Variants in SRPK2 observed in about 807,000 individuals in gnomAD.
The protein encoded by SRPK2 is SFRS protein kinase 2.
In SRPK2, 21 loss-of-function variants were observed where a neutral mutation model predicts 90.8. The observed-to-expected ratio is 0.23, with a 90% CI of 0.16 to 0.33. The LOEUF (loss-of-function observed/expected upper bound fraction) is 0.33. Ranked by LOEUF, SRPK2 falls within the 10% of genes least tolerant of loss-of-function variation. SRPK2 has a pLI of 1.00. For missense variants in SRPK2, 620 were observed against 869.0 expected, an observed-to-expected ratio of 0.71 and a Z score of 3.60; for synonymous variants, 288 against 311.1, an observed-to-expected ratio of 0.93 and a Z score of 0.78.
At chr7:105,263,025 G>A (rs1346229425) in intron 2 of SRPK2, among the ~76,000 whole-genome samples, 1 of 152,118 alleles carries the variant, frequency 6.6e-6, no homozygotes, top group Non-Finnish European at 1.5e-5. Flanking sequence ...CAAAAGACAT[G>A]TATGGAAATG....
At chr7:105,262,443 G>A (rs909123213) in intron 2 of SRPK2, among the ~76,000 whole-genome samples, 4 of 152,054 alleles carry the variant, frequency 2.6e-5, no homozygotes, top group Admixed American at 6.5e-5. Flanking sequence ...GCTCCAAGGC[G>A]GACGGCTAAG....
Position 105,363,555 on chromosome 7 carries a change from T to C in SRPK2, c.71+25093A>G, listed in dbSNP as rs189110259. 1.5e-4 allele frequency among the ~76,000 whole-genome samples: 23 copies of C among 152,188 alleles called. No individual in the cohort carries two copies. The East Asian group carries it at 4.1e-3, about 27-fold the overall frequency. ...ACGTGCTGGAGAGGATGTGGAGAAA[T>C]AGGAACACTTTTACACGGTTGGTGG... On this transcript the variant is annotated intron_variant, in intron 2 of 15. Transcript: ENST00000393651.
intron 2 of SRPK2, among the ~76,000 whole-genome samples, chr7:105,227,876 AAC>A (rs557303200): frequency 8.1e-4 from 121 of 149,248 alleles, no homozygotes; most frequent in African/African-American, 2.8e-3. Flanking sequence ...GTATCCACAA[AAC>A]AGAGTATCAT....
intron 2 of SRPK2, among the ~76,000 whole-genome samples, chr7:105,251,237 G>A (rs1375452497): frequency 6.6e-6 from 1 of 152,160 alleles, no homozygotes; most frequent in African/African-American, 2.4e-5. Flanking sequence ...TGAGGCAAAG[G>A]TCACATGTAA....
chr7:105,376,882 TACACACACACACAC>T (rs34080086), intron 2 of SRPK2, among the ~76,000 whole-genome samples: 1 of 121,000 alleles, frequency 8.3e-6, no homozygotes, highest in African/African-American at 3.2e-5. Flanking sequence ...TTTTCTCCTT[TACACACACACACAC>T]ACACACACAC....
chr7:105,301,709 T>C (rs1810575350), intron 2 of SRPK2: 5 of 1,611,172 alleles, frequency 3.1e-6, no homozygotes, highest in Non-Finnish European at 4.2e-6. Flanking sequence ...ATTCTATCTA[T>C]GAACGCTTTT....
intron 2 of SRPK2, among the ~76,000 whole-genome samples, chr7:105,237,694 C>T (rs1800303966): frequency 6.6e-6 from 1 of 152,176 alleles, no homozygotes; most frequent in Admixed American, 6.5e-5. Context: ...GCAGAGTTAT[C>T]ACAAAGACCG....
chr7:105,365,522 A>ATG (rs969342157), intron 2 of SRPK2, among the ~76,000 whole-genome samples: 1 of 146,514 alleles, frequency 6.8e-6, no homozygotes, highest in Non-Finnish European at 1.5e-5. Flanking sequence ...ATATATATAT[A>ATG]TATATTTAGG....
At chr7:105,327,716 A>G (rs1005990551) in intron 2 of SRPK2, among the ~76,000 whole-genome samples, 4 of 152,262 alleles carry the variant, frequency 2.6e-5, no homozygotes, top group Non-Finnish European at 4.4e-5. Context: ...GGTGCCCAAT[A>G]TTAGCTGAAT....
intron 2 of SRPK2, among the ~76,000 whole-genome samples, chr7:105,379,956 G>GA (rs1209600228): frequency 6.6e-6 from 1 of 151,922 alleles, no homozygotes; most frequent in Non-Finnish European, 1.5e-5. Flanking sequence ...CCAGCCTAGC[G>GA]AAAGAGCAAG....
chr7:105,170,968 AG>A (rs1307091047), intron 3 of SRPK2, among the ~76,000 whole-genome samples: 548 of 3,460 alleles, frequency 0.16, 52 homozygotes, highest in African/African-American at 0.25. Context: ...AGAAAGAAAG[AG>A]AAAGAAAGAG....
chr7:105,340,823 T>C (rs1425221997), intron 2 of SRPK2, among the ~76,000 whole-genome samples: 5 of 152,156 alleles, frequency 3.3e-5, no homozygotes, highest in African/African-American at 9.7e-5. Context: ...ACATTCAAGC[T>C]TTCAAGAGAA....
intron 2 of SRPK2, among the ~76,000 whole-genome samples, chr7:105,233,095 G>GGAA (rs1491138155): frequency 6.1e-5 from 3 of 49,370 alleles, no homozygotes; most frequent in African/African-American, 2.5e-4. Flanking sequence ...AAGGAAAGAA[G>GGAA]GAAGGAAGGA....
At chr7:105,331,337 A>AAAAAC (rs1554512429) in intron 2 of SRPK2, among the ~76,000 whole-genome samples, 26 of 141,826 alleles carry the variant, frequency 1.8e-4, no homozygotes, top group Non-Finnish European at 2.6e-4. Flanking sequence ...AAAAAAAAAA[A>AAAAAC]CAAATAGTTA....
At chr7:105,257,600 C>CA (rs1803511114) in intron 2 of SRPK2, among the ~76,000 whole-genome samples, 1 of 152,096 alleles carries the variant, frequency 6.6e-6, no homozygotes, top group Admixed American at 6.5e-5. Flanking sequence ...ATGACACCTG[C>CA]AAATTTAACT....
chr7:105,245,451 T>C (rs185368962), intron 2 of SRPK2, among the ~76,000 whole-genome samples: 104 of 152,256 alleles, frequency 6.8e-4, no homozygotes, highest in Non-Finnish European at 9.9e-4. Flanking sequence ...GAACGACCTG[T>C]TTTAAGCTAT....
At chr7:105,318,355 A>G (rs1367856316) in intron 2 of SRPK2, among the ~76,000 whole-genome samples, 3 of 152,248 alleles carry the variant, frequency 2.0e-5, no homozygotes, top group Non-Finnish European at 4.4e-5. Context: ...TCAGCCTCCC[A>G]AAGTGCTGGG....
intron 2 of SRPK2, among the ~76,000 whole-genome samples, chr7:105,339,439 C>A (rs1285262486): frequency 6.6e-6 from 1 of 152,164 alleles, no homozygotes; most frequent in Non-Finnish European, 1.5e-5. Context: ...GACAACTTCT[C>A]ATCTTCAAGG....
chr7:105,389,221 GC>G (rs1822057019), upstream of SRPK2: 3 of 1,204,022 alleles, frequency 2.5e-6, no homozygotes, highest in South Asian at 2.9e-5. Flanking sequence ...CTCCCTCCCC[GC>G]CGCGGCCTCT....
Sources: allele counts gnomAD v4.1 joint callset (sites outside exome capture counted in the v4.1 genomes callset), GRCh38; gene constraint gnomAD v4.1.1; transcripts MANE v1.5; gene names NCBI Gene and HGNC (gene_info 2026-07-23, HGNC 2026-07-21).